The following WDR4 variants were observed in gnomAD, a reference collection of about 807,000 sequenced individuals.
The protein encoded by WDR4 is tRNA (guanine-N(7)-)-methyltransferase non-catalytic subunit WDR4.
In WDR4, 47 loss-of-function variants were observed where a neutral mutation model predicts 48.6. The ratio of observed to expected loss-of-function variants is 0.97; its 90% CI spans 0.77 to 1.23. The LOEUF (loss-of-function observed/expected upper bound fraction) is 1.23. WDR4 is among the 50% of genes most tolerant of loss of function. The pLI is 0.00. For missense variants in WDR4, 606 were observed against 551.6 expected (o/e 1.10, Z -0.99); for synonymous variants, 268 against 230.0 (o/e 1.17, Z -1.49).
chr21:42,885,887 G>T, the WDR4 span, among the ~76,000 whole-genome samples: 2 of 151,922 alleles, frequency 1.3e-5, no homozygotes, highest in African/African-American at 4.8e-5. Flanking sequence ...GTAGAGACGG[G>T]GGTCTTGTTC....
intron 2 of WDR4, 49 bp downstream of exon 2, chr21:42,876,653 A>G (rs969617350): frequency 1.3e-6 from 2 of 1,565,216 alleles, no homozygotes; most frequent in African/African-American, 1.4e-5. Context: ...CTCTGGTCCC[A>G]TTATCGAACC....
downstream of WDR4, among the ~76,000 whole-genome samples, chr21:42,847,143 T>C (rs1433521087): frequency 6.6e-6 from 1 of 151,578 alleles, no homozygotes; most frequent in Non-Finnish European, 1.5e-5. Flanking sequence ...ACTAAAAAAA[T>C]AACGGAAGAG....
the WDR4 span, among the ~76,000 whole-genome samples, chr21:42,885,595 G>A: frequency 1.6e-5 from 2 of 122,108 alleles, no homozygotes; most frequent in African/African-American, 3.8e-5. Flanking sequence ...GGCAAAAAGC[G>A]CAAAACTCCA....
At chr21:42,879,322 A>T (rs752800215) in intron 1 of WDR4, 85 bp downstream of exon 1, 109 of 1,557,800 alleles carry the variant, frequency 7.0e-5, no homozygotes, top group Non-Finnish European at 8.8e-5. Flanking sequence ...GGGTGCGACC[A>T]GGCGGTGCGG....
At chr21:42,864,245 T>A (rs2058196248) in intron 3 of WDR4, among the ~76,000 whole-genome samples, 1 of 151,398 alleles carries the variant, frequency 6.6e-6, no homozygotes, top group Non-Finnish European at 1.5e-5. Flanking sequence ...GGGGGAATGG[T>A]TCCTTAACCC....
At chr21:42,890,589 G>T in the WDR4 span, among the ~76,000 whole-genome samples, 2 of 152,176 alleles carry the variant, frequency 1.3e-5, no homozygotes, top group East Asian at 3.8e-4. Context: ...GCCTCTAGTA[G>T]TTCAGGTAGA....
chr21:42,863,709 T>A, intron 3 of WDR4, 113 bp from the exon 4 acceptor site: 1 of 1,253,034 alleles, frequency 8.0e-7, no homozygotes, highest in Non-Finnish European at 1.1e-6. Flanking sequence ...ATATGCTCTG[T>A]TTTCCAGCTG....
intron 11 of WDR4, among the ~76,000 whole-genome samples, chr21:42,843,887 C>A (rs2057687681): frequency 6.6e-6 from 1 of 152,146 alleles, no homozygotes; most frequent in Admixed American, 6.5e-5. Context: ...GATGAGGTCT[C>A]ACTGTATTGC....
Position 42,849,614 on chromosome 21 carries a change from G to A in WDR4, c.*435C>T, listed in dbSNP as rs113169182. On this transcript the variant is annotated 3_prime_UTR_variant, in exon 11 of 11. Coordinates refer to ENST00000398208, the MANE Select transcript of WDR4 (RefSeq NM_018669.6). ...AGCCTGTGTGGCGAGCAGCTACTGC[G>A]GGACAGCACGTCACCTGGATGCTGA... 0.027 allele frequency: 4,267 copies of A among 160,282 alleles called. 81 individuals are homozygous for A. Among genetic ancestry groups the A allele is most frequent in the Middle Eastern group, 0.057 (18 of 316 alleles). 9.9% of individuals were successfully genotyped at this position (160,282 alleles called of 1,614,324 possible).
intron 1 of WDR4, 57 bp downstream of exon 1, chr21:42,879,350 G>C (rs2058578600): frequency 6.3e-7 from 1 of 1,592,526 alleles, no homozygotes. Flanking sequence ...GGGGTCGCCA[G>C]GACCCGACGC....
chr21:42,860,580 G>C (rs929092425), intron 5 of WDR4, among the ~76,000 whole-genome samples: 1 of 152,232 alleles, frequency 6.6e-6, no homozygotes, highest in East Asian at 1.9e-4. Context: ...GCTAGCCATC[G>C]CGTGAGCCGG....
chr21:42,868,274 T>A (rs868342980), intron 3 of WDR4, among the ~76,000 whole-genome samples: 1 of 152,218 alleles, frequency 6.6e-6, no homozygotes, highest in Non-Finnish European at 1.5e-5. Flanking sequence ...GCAGGCAGAC[T>A]GGACATCCCC....
upstream of WDR4, among the ~76,000 whole-genome samples, chr21:42,880,260 CG>C (rs1436711605): frequency 6.6e-6 from 1 of 152,042 alleles, no homozygotes; most frequent in Admixed American, 6.6e-5. Context: ...TTAAAATCTC[CG>C]AACTGTAGTG....
chr21:42,878,433 T>C (rs1431539007), intron 1 of WDR4, among the ~76,000 whole-genome samples: 3 of 152,238 alleles, frequency 2.0e-5, no homozygotes, highest in Non-Finnish European at 4.4e-5. Flanking sequence ...CTCTGGCAGA[T>C]ATTAGACCGT....
chr21:42,855,445 G>A (rs1220207156), intron 7 of WDR4, among the ~76,000 whole-genome samples: 2 of 152,234 alleles, frequency 1.3e-5, no homozygotes, highest in African/African-American at 2.4e-5. Context: ...CCACTTCAGA[G>A]CAGGATTAGA....
At chr21:42,856,621 C>A (rs577248626) in intron 6 of WDR4, among the ~76,000 whole-genome samples, 4 of 152,130 alleles carry the variant, frequency 2.6e-5, no homozygotes, top group Non-Finnish European at 5.9e-5. Flanking sequence ...AATCAATACT[C>A]ATTAAATCTA....
chr21:42,887,360 A>C, the WDR4 span, among the ~76,000 whole-genome samples: 1 of 150,510 alleles, frequency 6.6e-6, no homozygotes, highest in Non-Finnish European at 1.5e-5. Flanking sequence ...TCTGGTCTCA[A>C]ACTCCAGGGC....
At chr21:42,882,769 C>T (rs531959450), upstream of WDR4, among the ~76,000 whole-genome samples, 1 of 152,146 alleles carries the variant, frequency 6.6e-6, no homozygotes, top group East Asian at 1.9e-4. Context: ...TTGAGACCAG[C>T]CTGGCCAACA....
chr21:42,856,113 T>C (rs1051706307), intron 6 of WDR4, among the ~76,000 whole-genome samples: 2 of 152,204 alleles, frequency 1.3e-5, no homozygotes, highest in Non-Finnish European at 2.9e-5. Flanking sequence ...CCACATCTGC[T>C]GTGCCCGGGC....
Sources: allele counts gnomAD v4.1 joint callset (sites outside exome capture counted in the v4.1 genomes callset), GRCh38; gene constraint gnomAD v4.1.1; transcripts MANE v1.5; gene names NCBI Gene and HGNC (gene_info 2026-07-23, HGNC 2026-07-21).